The following MAPK8 variants were observed in gnomAD, a reference collection of about 807,000 sequenced individuals.
MAPK8 encodes mitogen-activated protein kinase 8, also known as JUN N-terminal kinase.
In MAPK8, 13 loss-of-function variants were observed where a neutral mutation model predicts 52.9. The observed-to-expected ratio is 0.25, with a 90% confidence interval of 0.16 to 0.39. The LOEUF (loss-of-function observed/expected upper bound fraction) is 0.39. Among genes scored for constraint, MAPK8 ranks in the 10% least tolerant of loss-of-function variants. The probability of loss-of-function intolerance (pLI) is 1.00; values close to 1 mark genes in which losing one functional copy is unlikely to be tolerated. For synonymous variants in MAPK8, 191 were observed against 169.8 expected, an observed-to-expected ratio of 1.12 and a Z score of -0.97; for missense variants, 300 against 519.2, an observed-to-expected ratio of 0.58 and a Z score of 4.10.
chr10:48,307,212 G>C (rs12261366), intron 1 of MAPK8: 1 of 152,426 alleles, frequency 6.6e-6, no homozygotes, highest in East Asian at 1.9e-4. Context: ...GGCCCGCCGC[G>C]CCCTGGCTGC....
intron 2 of MAPK8, among the ~76,000 whole-genome samples, chr10:48,402,083 A>G (rs1291284841): frequency 6.6e-6 from 1 of 152,102 alleles, no homozygotes; most frequent in Admixed American, 6.5e-5. Context: ...TTCAGTGAAC[A>G]TTTCCTTTGA....
rs76626172 is a variant in MAPK8 at position 48,435,316 on chromosome 10, T to A, written c.*287T>A. The A allele has an allele frequency of 0.025, 7,058 of 284,968 alleles. 113 individuals are homozygous for A. Among genetic ancestry groups the A allele is most frequent in the Non-Finnish European group, 0.036 (5,577 of 155,218 alleles). 17.7% of individuals were successfully genotyped at this position (284,968 alleles called of 1,614,324 possible). ...GTTTAAATTTTTTGCATATTTGCTTTATCTTATGCTGCTGATTTTTTTAAC... is the reference window on the plus strand; with the variant it reads ...GTTTAAATTTTTTGCATATTTGCTTAATCTTATGCTGCTGATTTTTTTAAC... On this transcript the variant is annotated 3_prime_UTR_variant, in exon 12 of 12. Coordinates refer to ENST00000374189, the MANE Select transcript of MAPK8 (RefSeq NM_001323329.2).
intron 1 of MAPK8, among the ~76,000 whole-genome samples, chr10:48,307,457 C>T (rs1841498788): frequency 6.6e-6 from 1 of 152,042 alleles, no homozygotes. Flanking sequence ...GCCCGAGCTT[C>T]GGTGGTCAGC....
chr10:48,380,985 A>AATT (rs1342639253), intron 1 of MAPK8, among the ~76,000 whole-genome samples: 8 of 152,162 alleles, frequency 5.3e-5, no homozygotes, highest in African/African-American at 1.7e-4. Context: ...AAGACCTAAT[A>AATT]AAGGCAGCAT....
intron 1 of MAPK8, among the ~76,000 whole-genome samples, chr10:48,364,565 A>G (rs1292077583): frequency 6.6e-6 from 1 of 152,188 alleles, no homozygotes; most frequent in Non-Finnish European, 1.5e-5. Context: ...ACTTAATTTG[A>G]TGCTCTCAAT....
intron 1 of MAPK8, among the ~76,000 whole-genome samples, chr10:48,362,205 T>A (rs1190205137): frequency 5.9e-5 from 9 of 152,170 alleles, no homozygotes; most frequent in Non-Finnish European, 4.4e-5. Context: ...CTCTCACTAT[T>A]CATTCCCTTC....
chr10:48,396,770 C>G (rs2041908936), intron 1 of MAPK8, among the ~76,000 whole-genome samples: 1 of 151,966 alleles, frequency 6.6e-6, no homozygotes, highest in African/African-American at 2.4e-5. Context: ...ATCTTAAGGG[C>G]ATTATACTGA....
At chr10:48,383,608 A>G (rs2041143197) in intron 1 of MAPK8, among the ~76,000 whole-genome samples, 1 of 152,110 alleles carries the variant, frequency 6.6e-6, no homozygotes, top group Non-Finnish European at 1.5e-5. Context: ...CAAACACATG[A>G]TAAGATTTAT....
At chr10:48,313,301 C>T (rs1001072919) in intron 1 of MAPK8, among the ~76,000 whole-genome samples, 1 of 151,992 alleles carries the variant, frequency 6.6e-6, no homozygotes, top group South Asian at 2.1e-4. Flanking sequence ...GGCGTGGTAG[C>T]GTACGCCTGT....
intron 1 of MAPK8, among the ~76,000 whole-genome samples, chr10:48,313,246 A>G (rs946495587): frequency 6.6e-6 from 1 of 152,190 alleles, no homozygotes; most frequent in Non-Finnish European, 1.5e-5. Context: ...CAGCTTGGCC[A>G]ACATAGTGAT....
intron 1 of MAPK8, among the ~76,000 whole-genome samples, chr10:48,386,300 G>T (rs1477181839): frequency 1.3e-5 from 2 of 152,142 alleles, no homozygotes; most frequent in South Asian, 4.2e-4. Context: ...CTGTACAAAG[G>T]TGCCTTTAAA....
chr10:48,359,605 C>G (rs1847332083), intron 1 of MAPK8, among the ~76,000 whole-genome samples: 1 of 152,088 alleles, frequency 6.6e-6, no homozygotes, highest in Non-Finnish European at 1.5e-5. Context: ...GTACCCAGAA[C>G]CACCCATTCC....
intron 1 of MAPK8, among the ~76,000 whole-genome samples, chr10:48,378,868 T>G (rs1033105010): frequency 2.0e-5 from 3 of 152,148 alleles, no homozygotes; most frequent in African/African-American, 7.2e-5. Context: ...TGGGCTCAAG[T>G]GATCCTCCAC....
rs78547854 is a variant in MAPK8 at position 48,371,800 on chromosome 10, A to G, written c.-49-29812A>G. Among the ~76,000 whole-genome samples the G allele has an allele frequency of 1.6e-4, 25 of 152,256 alleles. 1 individual carries two copies. In the East Asian group the frequency reaches 4.8e-3, roughly 29 times the overall value. On this transcript the variant is annotated intron_variant, in intron 1 of 11. Transcript: ENST00000374189. ...TAGCCTTGTGTCTGACTGAATAGCT[A>G]TAAATTGGGGTTCCCATGATCCGCT... is the stretch of plus-strand genomic sequence containing the variant.
chr10:48,411,055 T>C (rs182704744), intron 5 of MAPK8, among the ~76,000 whole-genome samples: 1 of 152,364 alleles, frequency 6.6e-6, no homozygotes, highest in Non-Finnish European at 1.5e-5. Flanking sequence ...TTTGTAAATA[T>C]TTTCTCCCAT....
chr10:48,359,999 G>T lies in MAPK8; in HGVS notation c.-49-41613G>T, dbSNP rs12570329. On this transcript the variant is annotated intron_variant, in intron 1 of 11. Transcript: ENST00000374189. ...GAGAAGATATTTGCAACACATAATTGAGAAAGGACTGTTACAAATTAACCG... is the reference window on the plus strand; with the variant it reads ...GAGAAGATATTTGCAACACATAATTTAGAAAGGACTGTTACAAATTAACCG... 1.9e-4 allele frequency among the ~76,000 whole-genome samples: 29 copies of T among 152,202 alleles called. No individual in the cohort carries two copies. The East Asian group carries it at 5.6e-3, about 29-fold the overall frequency.
At chr10:48,320,072 A>T (rs1842855019) in intron 1 of MAPK8, among the ~76,000 whole-genome samples, 1 of 151,234 alleles carries the variant, frequency 6.6e-6, no homozygotes, top group Non-Finnish European at 1.5e-5. Flanking sequence ...GCATGCCACC[A>T]CTGCCAGCTT....
intron 1 of MAPK8, among the ~76,000 whole-genome samples, chr10:48,396,822 G>T (rs773446634): frequency 1.3e-5 from 2 of 152,046 alleles, no homozygotes; most frequent in Non-Finnish European, 2.9e-5. Context: ...ATAAAAATAC[G>T]GCTGTCTTCT....
rs139391128 is a variant in MAPK8 at position 48,328,650 on chromosome 10, C to G, written c.-50+21829C>G. 9.0e-3 allele frequency among the ~76,000 whole-genome samples: 1,366 copies of G among 152,334 alleles called. 13 individuals are homozygous for G. The highest frequency in any genetic ancestry group is 0.01 in the Middle Eastern group (3 of 294). ...CAGATTTGACACATTGAGATCAGCA[C>G]TTTTGCCTTTTTTTGGTAGTCAACA... is the stretch of plus-strand genomic sequence containing the variant. On this transcript the variant is annotated intron_variant, in intron 1 of 11. Coordinates refer to ENST00000374189, the MANE Select transcript of MAPK8 (RefSeq NM_001323329.2).
Sources: gnomAD v4.1 joint callset for allele counts (sites outside exome capture counted in the v4.1 genomes callset) on GRCh38, gnomAD v4.1.1 for gene constraint, MANE v1.5 for transcripts, NCBI Gene and HGNC (gene_info 2026-07-23, HGNC 2026-07-21) for gene names.